The following TMPRSS4 variants were observed in gnomAD, a reference collection of about 807,000 sequenced individuals.
The protein encoded by TMPRSS4 is transmembrane serine protease 4.
TMPRSS4 carries 45 observed loss-of-function variants against 56.4 expected under a neutral mutation model. The observed-to-expected ratio is 0.80, with a 90% CI of 0.63 to 1.02. TMPRSS4 has a LOEUF of 1.02. Among genes scored for constraint, TMPRSS4 ranks in the 50% least tolerant of loss-of-function variants. The pLI, the probability that TMPRSS4 is intolerant of heterozygous loss-of-function variation, is 0.00. For synonymous variants in TMPRSS4, 205 were observed against 211.0 expected (o/e 0.97, Z 0.25); for missense variants, 546 against 556.7 (o/e 0.98, Z 0.19).
chr11:118,094,729 G>A (rs1946190542), intron 1 of TMPRSS4, 87 bp from the exon 2 acceptor site: 4 of 1,222,252 alleles, frequency 3.3e-6, no homozygotes, highest in African/African-American at 1.5e-5. Flanking sequence ...AGAAGGGAAT[G>A]TAGACAAGAC....
intron 7 of TMPRSS4, among the ~76,000 whole-genome samples, chr11:118,111,084 C>T (rs1197123488): frequency 6.6e-6 from 1 of 152,236 alleles, no homozygotes; most frequent in African/African-American, 2.4e-5. Flanking sequence ...AAGCCCAGCC[C>T]TTCCCCTTAG....
Position 118,077,227 on chromosome 11 carries a change from G to A in TMPRSS4, c.-76G>A. On this transcript the variant is annotated 5_prime_UTR_variant, in exon 1 of 13. Coordinates refer to ENST00000437212, the MANE Select transcript of TMPRSS4 (RefSeq NM_019894.4). ...TGCTGGCCAGCCAGGACCTGTGTGG[G>A]GAGGCCCTCCTGCTGCCTTGGGGTG... The A allele has an allele frequency of 6.4e-7, 1 of 1,556,418 alleles. No homozygotes were observed. Among genetic ancestry groups the A allele is most frequent in the Non-Finnish European group, 8.7e-7 (1 of 1,147,492 alleles).
Position 118,092,274 on chromosome 11 carries a change from G to A in TMPRSS4, c.4-2542G>A, listed in dbSNP as rs549275623. ...TTGAAATAGAGAAAGAGTAATTCAC[G>A]CAGAGCCAGCTGTGTGGGAGACTGG... is the stretch of plus-strand genomic sequence containing the variant. On this transcript the variant is annotated intron_variant, in intron 1 of 12. Coordinates refer to ENST00000437212, the MANE Select transcript of TMPRSS4 (RefSeq NM_019894.4). Among the ~76,000 whole-genome samples, 7 of 152,280 alleles carry A rather than the reference G, an allele frequency of 4.6e-5. No individual in the cohort carries two copies. In the South Asian group the frequency reaches 8.3e-4, roughly 18 times the overall value.
intron 4 of TMPRSS4, 106 bp from the exon 5 acceptor site, chr11:118,104,585 C>A: frequency 6.4e-7 from 1 of 1,552,690 alleles, no homozygotes; most frequent in Non-Finnish European, 8.7e-7. Context: ...CTGTGGCACC[C>A]CCAGTTCTAG....
rs748913124 is a variant in TMPRSS4, at chr11:118,115,283, G to T, written c.1152+3G>T. 1 of 1,612,158 alleles carries T rather than the reference G, an allele frequency of 6.2e-7. No homozygotes were observed. The highest frequency in any genetic ancestry group is 1.1e-5 in the South Asian group (1 of 90,088). On this transcript the variant is annotated splice_donor_region_variant and intron_variant, in intron 11 of 12. Transcript: ENST00000437212. ...AAGGGGGTGTGGACACCTGCCAGGT[G>T]GGGCCTCCAAGAATCATGGGGAGTT...
chr11:118,093,674 A>T (rs1946111566), intron 1 of TMPRSS4, among the ~76,000 whole-genome samples: 1 of 152,196 alleles, frequency 6.6e-6, no homozygotes, highest in Admixed American at 6.5e-5. Flanking sequence ...GATAGCACAT[A>T]TGTAGTAAAG....
intron 8 of TMPRSS4, among the ~76,000 whole-genome samples, chr11:118,112,165 C>T (rs958968956): frequency 6.6e-6 from 1 of 152,126 alleles, no homozygotes; most frequent in South Asian, 2.1e-4. Context: ...ACCCCCATAT[C>T]GTTCAAGCTA....
Position 118,077,239 on chromosome 11 carries a change from G to T in TMPRSS4, c.-64G>T. The T allele has an allele frequency of 6.4e-7, 1 of 1,573,416 alleles. No individual in the cohort carries two copies. Among genetic ancestry groups the T allele is most frequent in the Non-Finnish European group, 8.6e-7 (1 of 1,158,978 alleles). On this transcript the variant is annotated 5_prime_UTR_variant, in exon 1 of 13. Transcript: ENST00000437212. ...AGGACCTGTGTGGGGAGGCCCTCCTGCTGCCTTGGGGTGACAATCTCAGCT... is the reference window on the plus strand; with the variant it reads ...AGGACCTGTGTGGGGAGGCCCTCCTTCTGCCTTGGGGTGACAATCTCAGCT...
intron 3 of TMPRSS4, among the ~76,000 whole-genome samples, chr11:118,099,767 G>C (rs139943378): frequency 6.6e-6 from 1 of 152,138 alleles, no homozygotes; most frequent in Admixed American, 6.5e-5. Flanking sequence ...TTGTGAGGAG[G>C]GGAGAAAGAG....
At chr11:118,115,020 G>GA in intron 10 of TMPRSS4, 93 bp downstream of exon 10, 1 of 1,548,430 alleles carries the variant, frequency 6.5e-7, no homozygotes, top group Non-Finnish European at 8.8e-7. Flanking sequence ...ACCCTTCAGA[G>GA]AAACCCATCC....
chr11:118,079,682 T>C (rs527481263), intron 1 of TMPRSS4, among the ~76,000 whole-genome samples: 1 of 152,152 alleles, frequency 6.6e-6, no homozygotes, highest in African/African-American at 2.4e-5. Flanking sequence ...TGGTCCTCCC[T>C]CCCACCTCCT....
chr11:118,096,827 GAAA>G (rs1388042528), intron 2 of TMPRSS4, among the ~76,000 whole-genome samples: 4,609 of 22,728 alleles, frequency 0.2, 1,698 homozygotes, highest in Non-Finnish European at 0.24. Flanking sequence ...AAGAAAGAGA[GAAA>G]GAAAGAAGGA....
At chr11:118,078,547 C>A (rs114244835) in intron 1 of TMPRSS4, among the ~76,000 whole-genome samples, 1,861 of 152,306 alleles carry the variant, frequency 0.012, 31 homozygotes, top group African/African-American at 0.041. Flanking sequence ...CACAAGCTTC[C>A]TGCTTTCCCA....
intron 6 of TMPRSS4, 52 bp downstream of exon 6, chr11:118,107,927 C>A: frequency 6.6e-7 from 1 of 1,519,354 alleles, no homozygotes; most frequent in African/African-American, 1.4e-5. Context: ...ATGGACGCTG[C>A]TCTTCAGGTT....
chr11:118,111,865 C>A lies in TMPRSS4; in HGVS notation c.708C>A (p.Asp236Glu). The A allele has an allele frequency of 5.0e-6, 8 of 1,609,702 alleles. No individual in the cohort carries two copies. Among genetic ancestry groups the A allele is most frequent in the Non-Finnish European group, 5.9e-6 (7 of 1,178,198 alleles). ...KQHVCGGSIL[D>E]PHWVLTAAHC... is the part of the protein sequence containing the mutation. Reference sequence around the variant, plus strand: ...ACGTCTGTGGAGGGAGCATCCTGGACCCCCACTGGGTCCTCACGGCAGCCC... The same window carrying A: ...ACGTCTGTGGAGGGAGCATCCTGGAACCCCACTGGGTCCTCACGGCAGCCC... Residue 236 changes from aspartate (D) to glutamate (E), a missense_variant, in exon 8 of 13, where the codon GAC (aspartate) becomes GAA (glutamate). Asp to Glu is a conservative substitution (Grantham distance 45, BLOSUM62 2). Coordinates refer to ENST00000437212, the MANE Select transcript of TMPRSS4 (RefSeq NM_019894.4).
rs111740466 is a variant in TMPRSS4, at chr11:118,105,039, T to C, written c.440+219T>C. 4.8e-3 allele frequency among the ~76,000 whole-genome samples: 737 copies of C among 152,272 alleles called. 6 individuals carry two copies. Among genetic ancestry groups the C allele is most frequent in the African/African-American group, 0.016 (684 of 41,534 alleles). ...ATTGGGGGAACTAATGCCAACCTCA[T>C]AGGATAGTTTTGCAATGCCAGTGAG... is the stretch of plus-strand genomic sequence containing the variant. On this transcript the variant is annotated intron_variant, in intron 5 of 12. Coordinates refer to ENST00000437212, the MANE Select transcript of TMPRSS4 (RefSeq NM_019894.4).
At chr11:118,125,414 T>C, downstream of TMPRSS4, 1 of 454,150 alleles carries the variant, frequency 2.2e-6, no homozygotes, top group South Asian at 1.6e-5. Flanking sequence ...CCACCTGTGT[T>C]TGCTTTCTCT....
chr11:118,100,783 G>A (rs896194156), intron 3 of TMPRSS4, among the ~76,000 whole-genome samples: 5 of 152,202 alleles, frequency 3.3e-5, no homozygotes, highest in African/African-American at 7.2e-5. Context: ...GTTATCCAGC[G>A]AAAGCCAAGC....
Position 118,117,474 on chromosome 11 carries a change from C to T in TMPRSS4, c.1302+20C>T. On this transcript the variant is annotated intron_variant, in intron 12 of 12. Coordinates refer to ENST00000437212, the MANE Select transcript of TMPRSS4 (RefSeq NM_019894.4). ...TGGAAGGTAAGGTACCTTTGCCCTA[C>T]CCACTGTGCCTTCCCTCCAGTCCTC... is the stretch of plus-strand genomic sequence containing the variant. 6.2e-7 allele frequency: 1 copy of T among 1,601,082 alleles called. No individual in the cohort carries two copies. The highest frequency in any genetic ancestry group is 1.1e-5 in the South Asian group (1 of 89,150).
Sources: gnomAD v4.1 joint callset for allele counts (sites outside exome capture counted in the v4.1 genomes callset) on GRCh38, gnomAD v4.1.1 for gene constraint, MANE v1.5 for transcripts, NCBI Gene and HGNC (gene_info 2026-07-23, HGNC 2026-07-21) for gene names.